Variants in SLC12A2 observed in about 807,000 individuals in gnomAD.
SLC12A2 encodes the protein Na-K-2Cl cotransporter 1.
In SLC12A2, 67 loss-of-function variants were observed where a neutral mutation model predicts 136.3. That is an observed-to-expected ratio of 0.49 (90% CI 0.40 to 0.60). SLC12A2 has a LOEUF of 0.60. Among genes scored for constraint, SLC12A2 ranks in the 20% least tolerant of loss-of-function variants. The pLI is 0.00. For synonymous variants in SLC12A2, 619 were observed against 562.9 expected, an observed-to-expected ratio of 1.10 and a Z score of -1.41; for missense variants, 1,322 against 1,534.7, an observed-to-expected ratio of 0.86 and a Z score of 2.32.
chr5:128,121,548 T>C (rs777665940), intron 4 of SLC12A2, among the ~76,000 whole-genome samples: 2 of 152,004 alleles, frequency 1.3e-5, no homozygotes, highest in Non-Finnish European at 2.9e-5. Context: ...GGTCTCGATC[T>C]CCTGATCTCG....
chr5:128,108,189 A>G (rs1761016981), intron 1 of SLC12A2, among the ~76,000 whole-genome samples: 1 of 152,112 alleles, frequency 6.6e-6, no homozygotes, highest in Admixed American at 6.6e-5. Context: ...AGGCAGGCAT[A>G]TTTGCTGAAA....
At chr5:128,096,779 A>G (rs1456672099) in intron 1 of SLC12A2, among the ~76,000 whole-genome samples, 1 of 152,064 alleles carries the variant, frequency 6.6e-6, no homozygotes, top group African/African-American at 2.4e-5. Context: ...CTGATCAGAA[A>G]CAAATTTAAG....
In SLC12A2 at chr5:128,083,775, C is replaced by T. The variant is rs891620933; in HGVS notation, c.-180C>T. 4.3e-4 allele frequency: 171 copies of T among 399,038 alleles called. No homozygotes were observed. The highest frequency in any genetic ancestry group is 6.0e-4 in the Non-Finnish European group (143 of 237,144). The allele number at this position is 399,038 out of a possible 1,614,324, so 24.7% of individuals were successfully genotyped here. On this transcript the variant is annotated 5_prime_UTR_variant, in exon 1 of 27. Transcript: ENST00000262461. Reference sequence around the variant, plus strand: ...CCGCCCCGCGCCCGCCACACTCGCGCGCTCGCTCGGCTGCCGGTGGCCTCT... The same window carrying T: ...CCGCCCCGCGCCCGCCACACTCGCGTGCTCGCTCGGCTGCCGGTGGCCTCT...
chr5:128,177,409 A>AT (rs937864626), intron 21 of SLC12A2: 9 of 291,352 alleles, frequency 3.1e-5, no homozygotes, highest in East Asian at 1.6e-4. Flanking sequence ...GCCGGTATTA[A>AT]TTTTTTTTAA....
At chr5:128,102,148 T>A (rs547565846) in intron 1 of SLC12A2, among the ~76,000 whole-genome samples, 2 of 152,344 alleles carry the variant, frequency 1.3e-5, no homozygotes, top group Admixed American at 1.3e-4. Context: ...GCTCTTACTT[T>A]ATTAATGTCA....
At chr5:128,107,137 A>G (rs187304441) in intron 1 of SLC12A2, among the ~76,000 whole-genome samples, 2 of 152,288 alleles carry the variant, frequency 1.3e-5, no homozygotes, top group East Asian at 1.9e-4. Flanking sequence ...ATCAATCCCT[A>G]TTCAGAGTCA....
chr5:128,155,354 C>T (rs544037670), intron 15 of SLC12A2, among the ~76,000 whole-genome samples: 24 of 152,210 alleles, frequency 1.6e-4, no homozygotes, highest in African/African-American at 5.5e-4. Context: ...CTTTCATCTA[C>T]GTATGCCTAC....
intron 7 of SLC12A2, 83 bp downstream of exon 7, chr5:128,135,891 T>C (rs963741210): frequency 2.7e-5 from 22 of 818,980 alleles, no homozygotes; most frequent in African/African-American, 2.6e-4. Flanking sequence ...ATTTCAGATA[T>C]TTTGTAACAG....
chr5:128,138,541 T>C (rs181107729), intron 7 of SLC12A2, 56 bp from the exon 8 acceptor site: 3 of 1,513,958 alleles, frequency 2.0e-6, no homozygotes, highest in Non-Finnish European at 1.8e-6. Context: ...TTGACCTCAG[T>C]TATTATAGTC....
intron 24 of SLC12A2, 73 bp from the exon 25 acceptor site, chr5:128,184,293 T>A: frequency 1.0e-6 from 1 of 993,230 alleles, no homozygotes; most frequent in Non-Finnish European, 1.4e-6. Context: ...AAGTTACAAT[T>A]TAATATTTAA....
chr5:128,126,966 A>ATATATATTTTTTTT, intron 4 of SLC12A2, among the ~76,000 whole-genome samples: 1 of 21,156 alleles, frequency 4.7e-5, no homozygotes, highest in African/African-American at 2.5e-4. Flanking sequence ...ATATATATAT[A>ATATATATTTTTTTT]TTTTTTTTTT....
chr5:128,102,437 C>T (rs1394124830), intron 1 of SLC12A2, among the ~76,000 whole-genome samples: 3 of 151,554 alleles, frequency 2.0e-5, no homozygotes, highest in Non-Finnish European at 4.4e-5. Context: ...TTTTTGTCAC[C>T]TTTATGTATT....
intron 17 of SLC12A2, among the ~76,000 whole-genome samples, chr5:128,166,916 G>T (rs1763223102): frequency 6.6e-6 from 1 of 151,892 alleles, no homozygotes; most frequent in Non-Finnish European, 1.5e-5. Context: ...AGTGAATTTT[G>T]GGGGATACTT....
chr5:128,155,074 T>G lies in SLC12A2; in HGVS notation c.2363+2269T>G, dbSNP rs77897627. ...TTGCTTGAACACAGGCACTGCGATA[T>G]GCAACAGTTGATCTGATAACCAGGA... On this transcript the variant is annotated intron_variant, in intron 15 of 26. Transcript: ENST00000262461. Among the ~76,000 whole-genome samples, 1,116 of 152,224 alleles carry G rather than the reference T, an allele frequency of 7.3e-3. 13 individuals are homozygous for G. The highest frequency in any genetic ancestry group is 0.025 in the African/African-American group (1,055 of 41,538).
At chr5:128,158,656 A>G (rs376680819) in intron 16 of SLC12A2, among the ~76,000 whole-genome samples, 7 of 152,152 alleles carry the variant, frequency 4.6e-5, no homozygotes, top group East Asian at 1.9e-4. Context: ...TAGTGCTTCA[A>G]TGAACGTACG....
intron 6 of SLC12A2, 47 bp downstream of exon 6, chr5:128,134,322 T>C (rs763079714): frequency 2.0e-6 from 2 of 989,028 alleles, no homozygotes; most frequent in South Asian, 1.3e-5. Flanking sequence ...CGTAAACTTT[T>C]AGAGCTTATG....
intron 4 of SLC12A2, among the ~76,000 whole-genome samples, chr5:128,125,220 G>T (rs1014230084): frequency 6.6e-6 from 1 of 152,150 alleles, no homozygotes; most frequent in Non-Finnish European, 1.5e-5. Context: ...CAGATTGCTC[G>T]AGTCTTCTCA....
chr5:128,154,714 C>T (rs998353592), intron 15 of SLC12A2, among the ~76,000 whole-genome samples: 1 of 152,110 alleles, frequency 6.6e-6, no homozygotes. Context: ...GTCAGAACAC[C>T]TTTTTGTTGT....
intron 10 of SLC12A2, among the ~76,000 whole-genome samples, chr5:128,143,377 A>C (rs1225148132): frequency 2.0e-5 from 3 of 152,138 alleles, no homozygotes; most frequent in Non-Finnish European, 2.9e-5. Flanking sequence ...ACATTTAACA[A>C]CAGAATTTAA....
Sources: gnomAD v4.1 joint callset for allele counts (sites outside exome capture counted in the v4.1 genomes callset) on GRCh38, gnomAD v4.1.1 for gene constraint, MANE v1.5 for transcripts, NCBI Gene and HGNC (gene_info 2026-07-23, HGNC 2026-07-21) for gene names.